MYT1L: variants seen among roughly 807,000 people sequenced by gnomAD.
MYT1L encodes myelin transcription factor 1 like, also known as myelin transcription factor 1-like protein.
In MYT1L, 12 loss-of-function variants were observed where a neutral mutation model predicts 126.7. The observed-to-expected ratio is 0.09, with a 90% confidence interval of 0.06 to 0.15. MYT1L has a LOEUF of 0.15. MYT1L is among the 10% of genes least tolerant of loss of function. The pLI, the probability that MYT1L is intolerant of heterozygous loss-of-function variation, is 1.00. For missense variants in MYT1L, 979 were observed against 1,585.2 expected (o/e 0.62, Z 6.49); for synonymous variants, 541 against 604.2 (o/e 0.90, Z 1.53).
intron 1 of MYT1L, among the ~76,000 whole-genome samples, chr2:2,329,870 CT>C (rs2096274338): frequency 1.3e-5 from 2 of 151,970 alleles, no homozygotes; most frequent in South Asian, 2.1e-4. Flanking sequence ...AACAAACTTC[CT>C]TTTTTTCTGG....
intron 5 of MYT1L, among the ~76,000 whole-genome samples, chr2:1,981,681 C>T (rs765893944): frequency 4.6e-5 from 7 of 152,248 alleles, no homozygotes; most frequent in Middle Eastern, 3.4e-3. Context: ...GCTGGCCTTT[C>T]TTGAGCATGG....
At chr2:1,952,937 T>C (rs2058001232) in intron 8 of MYT1L, among the ~76,000 whole-genome samples, 2 of 103,434 alleles carry the variant, frequency 1.9e-5, no homozygotes, top group African/African-American at 7.9e-5. Flanking sequence ...CCTCCTTCCT[T>C]CCCTTCCCTC....
chr2:1,984,512 T>A (rs1203179820), intron 5 of MYT1L, among the ~76,000 whole-genome samples: 1 of 146,200 alleles, frequency 6.8e-6, no homozygotes, highest in Non-Finnish European at 1.5e-5. Context: ...CTAATTTTTT[T>A]TTTTTTTTTT....
chr2:2,289,306 A>G (rs1424104590), intron 1 of MYT1L, among the ~76,000 whole-genome samples: 5 of 152,190 alleles, frequency 3.3e-5, no homozygotes, highest in Admixed American at 3.3e-4. Flanking sequence ...AAGCTTACCT[A>G]TTTATAATTT....
chr2:1,836,043 A>G (rs1231198668), intron 21 of MYT1L, among the ~76,000 whole-genome samples: 1 of 152,130 alleles, frequency 6.6e-6, no homozygotes, highest in Non-Finnish European at 1.5e-5. Context: ...GGATCCTGAA[A>G]GAGGAGGCTG....
intron 18 of MYT1L, among the ~76,000 whole-genome samples, chr2:1,878,391 T>C (rs1056534726): frequency 1.3e-5 from 2 of 152,236 alleles, no homozygotes; most frequent in African/African-American, 4.8e-5. Flanking sequence ...GCTTAAAAAA[T>C]ATAAACTGTT....
At chr2:2,280,692 C>T (rs946180660) in intron 2 of MYT1L, among the ~76,000 whole-genome samples, 6 of 152,144 alleles carry the variant, frequency 3.9e-5, no homozygotes, top group South Asian at 2.1e-4. Flanking sequence ...AGGGTGGCCA[C>T]GCGCGTGCAG....
intron 3 of MYT1L, among the ~76,000 whole-genome samples, chr2:2,150,944 CAAAA>C: frequency 6.6e-6 from 1 of 151,026 alleles, no homozygotes; most frequent in Admixed American, 6.6e-5. Context: ...GGAGGGAAGA[CAAAA>C]GAATGGAAAA....
At chr2:2,060,830 C>G (rs1037733827) in intron 3 of MYT1L, among the ~76,000 whole-genome samples, 4 of 149,876 alleles carry the variant, frequency 2.7e-5, no homozygotes, top group Non-Finnish European at 4.4e-5. Flanking sequence ...CTTTCCCTCT[C>G]TCTCTCTCTC....
intron 1 of MYT1L, among the ~76,000 whole-genome samples, chr2:2,317,983 T>A (rs546917004): frequency 6.6e-6 from 1 of 152,170 alleles, no homozygotes; most frequent in African/African-American, 2.4e-5. Flanking sequence ...AGAGACTCGA[T>A]CTTGTAGGAG....
chr2:2,311,986 CACATTGTGTGT>C (rs1244269292), intron 1 of MYT1L, among the ~76,000 whole-genome samples: 1 of 152,192 alleles, frequency 6.6e-6, no homozygotes, highest in Non-Finnish European at 1.5e-5. Context: ...CATTGTAGGT[CACATTGTGTGT>C]GCAGCAATGC....
intron 3 of MYT1L, among the ~76,000 whole-genome samples, chr2:2,058,053 C>T (rs892565258): frequency 3.9e-5 from 6 of 152,122 alleles, no homozygotes; most frequent in Admixed American, 3.9e-4. Flanking sequence ...CACTTTGCCT[C>T]GATCAATGTA....
At chr2:1,846,463 C>T (rs774175024) in intron 19 of MYT1L, among the ~76,000 whole-genome samples, 11 of 152,092 alleles carry the variant, frequency 7.2e-5, no homozygotes, top group African/African-American at 1.2e-4. Flanking sequence ...ACGATGGAAA[C>T]GCTGTAAGGG....
rs538171848 is a variant in MYT1L at position 2,064,621 on chromosome 2, C to T, written c.-303-10498G>A. Among the ~76,000 whole-genome samples the T allele has an allele frequency of 2.6e-5, 4 of 152,150 alleles. No individual in the cohort carries two copies. In the South Asian group the frequency reaches 8.3e-4, roughly 32 times the overall value. On this transcript the variant is annotated intron_variant, in intron 3 of 24. Transcript: ENST00000647738. ...AGTTTTTTCAGTGCAATAATCTATACAATTCTGAATTAGAAACAATATAAG... is the reference window on the plus strand; with the variant it reads ...AGTTTTTTCAGTGCAATAATCTATATAATTCTGAATTAGAAACAATATAAG...
At chr2:1,982,873 T>C (rs2060712486) in intron 5 of MYT1L, among the ~76,000 whole-genome samples, 1 of 152,210 alleles carries the variant, frequency 6.6e-6, no homozygotes, top group African/African-American at 2.4e-5. Flanking sequence ...GGAGCACCTG[T>C]GAGCAGAAGT....
At chr2:1,807,266 G>A (rs941031875) in intron 22 of MYT1L, among the ~76,000 whole-genome samples, 1 of 152,238 alleles carries the variant, frequency 6.6e-6, no homozygotes, top group African/African-American at 2.4e-5. Flanking sequence ...AGGGAGTCCT[G>A]CAGGTACACA....
intron 3 of MYT1L, among the ~76,000 whole-genome samples, chr2:2,136,980 C>T (rs2083146881): frequency 6.6e-6 from 1 of 152,196 alleles, no homozygotes; most frequent in African/African-American, 2.4e-5. Context: ...TGATAAGAAA[C>T]TTCAGCAAAG....
intron 5 of MYT1L, among the ~76,000 whole-genome samples, chr2:1,995,952 C>A (rs571514500): frequency 1.1e-4 from 17 of 152,188 alleles, no homozygotes; most frequent in South Asian, 4.2e-4. Context: ...TCAATCCAGC[C>A]ATCAGAAAGG....
rs1200873099 is a variant in MYT1L, at chr2:1,912,622, A to C, written c.1619-512T>G. On this transcript the variant is annotated intron_variant, in intron 11 of 24. Coordinates refer to ENST00000647738, the MANE Select transcript of MYT1L (RefSeq NM_001303052.2). This position sits in a 1 kb window ranked among gnomAD's most constrained non-coding sequence, Gnocchi z 4.3. The stretch of plus-strand genomic sequence containing the variant: ...GTGGTGGGTAGATGAATACAGAACC[A>C]CAAACCTTAATTTTAAATAAAATGA... Among the ~76,000 whole-genome samples the C allele has an allele frequency of 6.6e-6, 1 of 152,256 alleles. No individual in the cohort carries two copies. The highest frequency in any genetic ancestry group is 1.9e-4 in the East Asian group (1 of 5,198).
Sources: gnomAD v4.1 joint callset for allele counts (sites outside exome capture counted in the v4.1 genomes callset) on GRCh38, gnomAD v4.1.1 for gene constraint, Gnocchi (gnomAD v3.1) non-coding constraint, MANE v1.5 for transcripts, NCBI Gene and HGNC (gene_info 2026-07-23, HGNC 2026-07-21) for gene names.